The following SLIT2 variants were observed in gnomAD, a reference collection of about 807,000 sequenced individuals.
The protein encoded by SLIT2 is slit guidance ligand 2.
In SLIT2, 41 loss-of-function variants were observed where a neutral mutation model predicts 185.7. That is an observed-to-expected ratio of 0.22 (90% CI 0.17 to 0.29). SLIT2 has a LOEUF of 0.29. SLIT2 is among the 10% of genes least tolerant of loss of function. The pLI, the probability that SLIT2 is intolerant of heterozygous loss-of-function variation, is 1.00. For synonymous variants in SLIT2, 693 were observed against 680.2 expected (o/e 1.02, Z -0.29); for missense variants, 1,571 against 1,909.0 (o/e 0.82, Z 3.30).
At position 20,533,590 on chromosome 4, in the gene SLIT2, G is replaced by C. The variant is rs1392378777; in HGVS notation, c.1707G>C (p.Lys569Asn). ...QLRKINFSNN[K>N]ITDIEEGAFE... ...TATTTAGAAACTTTAGCAACAATAA[G>C]ATCACAGATATTGAGGAGGGAGCAT... The change falls in exon 18 of 37, where the codon AAG becomes AAC. Residue 569 changes from lysine (K) to asparagine (N), a missense_variant. Around this residue, in one of 3 missense-constraint regions of SLIT2, gnomAD observed 1,202 missense variants for 1,416.4 expected, o/e 0.85. Coordinates refer to ENST00000504154, the MANE Select transcript of SLIT2 (RefSeq NM_004787.4). 2 of 1,610,528 alleles carry C rather than the reference G, an allele frequency of 1.2e-6. No individual in the cohort carries two copies. Among genetic ancestry groups the C allele is most frequent in the Non-Finnish European group, 1.7e-6 (2 of 1,177,208 alleles).
At chr4:20,330,439 AACACAAC>A (rs924118137) in intron 4 of SLIT2, among the ~76,000 whole-genome samples, 1 of 152,166 alleles carries the variant, frequency 6.6e-6, no homozygotes, top group Non-Finnish European at 1.5e-5. Context: ...TCCTCACTAT[AACACAAC>A]ATCAGTTTTG....
At chr4:20,485,219 G>A (rs998638931) in intron 6 of SLIT2, among the ~76,000 whole-genome samples, 19 of 152,114 alleles carry the variant, frequency 1.2e-4, no homozygotes, top group Non-Finnish European at 2.8e-4. Context: ...TCTGAAGGGT[G>A]ATGAAAGCTC....
At chr4:20,510,045 C>A (rs1174492907) in intron 9 of SLIT2, among the ~76,000 whole-genome samples, 1 of 152,040 alleles carries the variant, frequency 6.6e-6, no homozygotes, top group Non-Finnish European at 1.5e-5. Flanking sequence ...CATATGCTTT[C>A]CATAGAGGAA....
In SLIT2 at chr4:20,470,944, G is replaced by A. The variant is rs181416870; in HGVS notation, c.467+3121G>A. On this transcript the variant is annotated intron_variant, in intron 5 of 36. Coordinates refer to ENST00000504154, the MANE Select transcript of SLIT2 (RefSeq NM_004787.4). ...TTATAGGGATCTGAATATGGGGGGA[G>A]CTGAGTATTGTGGCATCTACATTAT... 2.4e-3 allele frequency among the ~76,000 whole-genome samples: 364 copies of A among 152,240 alleles called. 2 individuals carry two copies. Among genetic ancestry groups the A allele is most frequent in the African/African-American group, 8.6e-3 (358 of 41,546 alleles).
intron 34 of SLIT2, chr4:20,616,499 G>GTGCTCC (rs1174686947): frequency 6.3e-6 from 1 of 158,210 alleles, no homozygotes; most frequent in Non-Finnish European, 1.4e-5. Flanking sequence ...GAGCTTTATG[G>GTGCTCC]AGCTCCAGAC....
rs566689306 is a variant in SLIT2, at chr4:20,372,088, T to C, written c.396-95664T>C. ...TTGTCTTTCTTATTCTTCACCCACT[T>C]TTAGAGTTTAACATCTTACATTTAC... On this transcript the variant is annotated intron_variant, in intron 4 of 36. Transcript: ENST00000504154. Among the ~76,000 whole-genome samples, 142 of 152,260 alleles carry C rather than the reference T, an allele frequency of 9.3e-4. 2 individuals are homozygous for C. Among genetic ancestry groups the C allele is most frequent in the Non-Finnish European group, 1.5e-3 (100 of 68,000 alleles).
intron 3 of SLIT2, 42 bp downstream of exon 3, chr4:20,257,981 T>C (rs756321961): frequency 4.9e-5 from 47 of 950,692 alleles, no homozygotes; most frequent in Middle Eastern, 2.2e-4. Flanking sequence ...CATAACTGTG[T>C]TTTTTAAAAA....
intron 4 of SLIT2, among the ~76,000 whole-genome samples, chr4:20,277,256 G>T (rs1346487199): frequency 1.3e-5 from 2 of 152,040 alleles, no homozygotes; most frequent in East Asian, 3.9e-4. Context: ...TTGGTTTCCT[G>T]GGAGGTTTTA....
At chr4:20,537,059 C>T (rs922127846) in intron 18 of SLIT2, among the ~76,000 whole-genome samples, 4 of 152,090 alleles carry the variant, frequency 2.6e-5, no homozygotes, top group Non-Finnish European at 4.4e-5. Context: ...GGAATACCTC[C>T]GGAAGGACCT....
In SLIT2 at chr4:20,568,757, A is replaced by G. The variant is rs976480162; in HGVS notation, c.2949-108A>G. On this transcript the variant is annotated intron_variant, in intron 28 of 36. Coordinates refer to ENST00000504154, the MANE Select transcript of SLIT2 (RefSeq NM_004787.4). ...TTAAAAAATCAATTTCTGGTAGTTA[A>G]AAGCTCTATGGTTGATGAGTGTAAT... 1.0e-5 allele frequency: 10 copies of G among 965,146 alleles called. No homozygotes were observed. The African/African-American group carries it at 1.5e-4, about 14-fold the overall frequency. 59.8% of individuals were successfully genotyped at this position (965,146 alleles called of 1,614,324 possible). A position where few individuals can be genotyped will look rare whatever the true frequency, so the allele number is the denominator to read the frequency against.
chr4:20,618,794 A>C lies in SLIT2; in HGVS notation c.4375A>C (p.Arg1459=). The C allele has an allele frequency of 1.2e-6, 2 of 1,605,114 alleles. No individual in the cohort carries two copies. The highest frequency in any genetic ancestry group is 1.7e-6 in the Non-Finnish European group (2 of 1,172,586). Reference sequence around the variant, plus strand: ...AATCTCTTGTCGAGGGGAAAGGATAAGAGATTATTACCAAAAGCAGCAGGG... The same window carrying C: ...AATCTCTTGTCGAGGGGAAAGGATACGAGATTATTACCAAAAGCAGCAGGG... ...REISCRGERI[R]DYYQKQQGYA... The change falls in exon 37 of 37, where the codon AGA becomes CGA. Residue 1459 remains arginine (R), a synonymous_variant. Transcript: ENST00000504154.
At chr4:20,546,920 T>C (rs1723301516) in intron 22 of SLIT2, among the ~76,000 whole-genome samples, 1 of 152,106 alleles carries the variant, frequency 6.6e-6, no homozygotes. Context: ...CCGTATCATT[T>C]GTTTAAGTCT....
At chr4:20,281,228 C>G (rs543992906) in intron 4 of SLIT2, among the ~76,000 whole-genome samples, 1 of 152,272 alleles carries the variant, frequency 6.6e-6, no homozygotes, top group African/African-American at 2.4e-5. Context: ...AAGTGGTGTA[C>G]AACTGAGGTA....
chr4:20,539,508 T>C lies in SLIT2; in HGVS notation c.1900T>C (p.Leu634=). ...DSFIGLSSVR[L]LSLYDNQITT... ...TTTCATAGGACTCAGTTCTGTGCGT[T>C]TGCTTTCTTTGTATGATAATCAAAT... The change falls in exon 19 of 37, where the codon TTG becomes CTG. Residue 634 remains leucine (L), a synonymous_variant. Coordinates refer to ENST00000504154, the MANE Select transcript of SLIT2 (RefSeq NM_004787.4). 6.2e-7 allele frequency: 1 copy of C among 1,613,676 alleles called. No homozygotes were observed. The highest frequency in any genetic ancestry group is 1.1e-5 in the South Asian group (1 of 91,066).
chr4:20,488,855 C>A lies in SLIT2; in HGVS notation c.648C>A (p.His216Gln). 7.5e-6 allele frequency: 12 copies of A among 1,610,650 alleles called. No individual in the cohort carries two copies. Among genetic ancestry groups the A allele is most frequent in the Non-Finnish European group, 1.0e-5 (12 of 1,177,440 alleles). Reference sequence around the variant, plus strand: ...CAAACAACCTGTATTGTGACTGCCACCTGGCCTGGCTCTCCGACTGGCTTC... The same window carrying A: ...CAAACAACCTGTATTGTGACTGCCAACTGGCCTGGCTCTCCGACTGGCTTC... ...LHSNNLYCDC[H>Q]LAWLSDWLRQ... The change falls in exon 8 of 37, where the codon CAC (histidine) becomes CAA (glutamine). Residue 216 changes from histidine to glutamine, a missense_variant. By Grantham distance (24) the His-to-Gln change is conservative (BLOSUM62 0). Coordinates refer to ENST00000504154, the MANE Select transcript of SLIT2 (RefSeq NM_004787.4).
intron 4 of SLIT2, among the ~76,000 whole-genome samples, chr4:20,292,984 A>T (rs1299626403): frequency 6.6e-6 from 1 of 152,238 alleles, no homozygotes; most frequent in East Asian, 1.9e-4. Flanking sequence ...CTGCGAAGGC[A>T]ATAGAGACTT....
chr4:20,547,782 T>C (rs1196965982), intron 22 of SLIT2, among the ~76,000 whole-genome samples: 1 of 151,424 alleles, frequency 6.6e-6, no homozygotes, highest in African/African-American at 2.4e-5. Flanking sequence ...TAAGATCAAG[T>C]TCATGAAATG....
rs116662014 is a variant in SLIT2, at chr4:20,522,448, G to T, written c.1131-1312G>T. On this transcript the variant is annotated intron_variant, in intron 12 of 36. Coordinates refer to ENST00000504154, the MANE Select transcript of SLIT2 (RefSeq NM_004787.4). ...GAAACTGTCATTGGACAAATAAGCA[G>T]GTCTGCATAAAACAGTTGACAAGAC... is the stretch of plus-strand genomic sequence containing the variant. 8.5e-3 allele frequency among the ~76,000 whole-genome samples: 1,296 copies of T among 152,190 alleles called. 15 individuals are homozygous for T. Among genetic ancestry groups the T allele is most frequent in the African/African-American group, 0.029 (1,185 of 41,508 alleles).
chr4:20,320,005 C>G (rs1375075799), intron 4 of SLIT2, among the ~76,000 whole-genome samples: 2 of 152,090 alleles, frequency 1.3e-5, no homozygotes, highest in Admixed American at 1.3e-4. Flanking sequence ...CATCAGTGAT[C>G]AAAGGATCTT....
Sources: allele counts gnomAD v4.1 joint callset (sites outside exome capture counted in the v4.1 genomes callset), GRCh38; gene constraint gnomAD v4.1.1; regional missense constraint gnomAD v4.1.1; transcripts MANE v1.5; gene names NCBI Gene and HGNC (gene_info 2026-07-23, HGNC 2026-07-21).